The following CDNF variants were observed in gnomAD, a reference collection of about 807,000 sequenced individuals.
CDNF encodes cerebral dopamine neurotrophic factor, also known as ARMET-like protein 1.
Under a neutral mutation model 14.8 loss-of-function variants are expected in CDNF, and 9 were observed. The ratio of observed to expected loss-of-function variants is 0.61; its 90% CI spans 0.37 to 1.06. CDNF has a LOEUF of 1.06. Among genes scored for constraint, CDNF ranks in the 50% least tolerant of loss-of-function variants. The probability of loss-of-function intolerance (pLI) is 0.01; values close to 1 mark genes in which losing one functional copy is unlikely to be tolerated. For missense variants in CDNF, 228 were observed against 228.4 expected (o/e 1.00, Z 0.01); for synonymous variants, 86 against 87.2 (o/e 0.99, Z 0.07).
In CDNF at chr10:14,837,932, G is replaced by T; in HGVS notation, c.15C>A (p.Ser5Arg). The T allele has an allele frequency of 6.2e-7, 1 of 1,600,424 alleles. No homozygotes were observed. MWCA[S>R]PVAVVAFCAG... ...CGCAAAAGGCCACCACAGCAACTGGGCTCGCGCACCACATGCTGGGCCAGC... is the reference window on the plus strand; with the variant it reads ...CGCAAAAGGCCACCACAGCAACTGGTCTCGCGCACCACATGCTGGGCCAGC... Residue 5 changes from serine to arginine, a missense_variant, in exon 1 of 4, where the codon AGC becomes AGA. By Grantham distance (110) the Ser-to-Arg change is moderately radical (BLOSUM62 -1). Transcript: ENST00000465530.
chr10:14,828,231 C>T lies in CDNF; in HGVS notation c.157G>A (p.Asp53Asn), dbSNP rs1833815223. Residue 53 changes from aspartate (D) to asparagine (N), a missense_variant, in exon 2 of 4, where the codon GAC becomes AAC. By Grantham distance (23) the Asp-to-Asn change is conservative. Transcript: ENST00000465530. ...TCCAGCGAAAAGTTAACTCCTCTGT[C>T]TATCAGTGACTTGTAGAATCGGTTC... ...FLNRFYKSLI[D>N]RGVNFSLDTI... 6.2e-7 allele frequency: 1 copy of T among 1,613,310 alleles called. No individual in the cohort carries two copies. The highest frequency in any genetic ancestry group is 1.3e-5 in the African/African-American group (1 of 74,914).
At chr10:14,832,767 G>A (rs1434302713) in intron 1 of CDNF, among the ~76,000 whole-genome samples, 3 of 151,812 alleles carry the variant, frequency 2.0e-5, no homozygotes, top group Admixed American at 6.6e-5. Flanking sequence ...AACTGGAACC[G>A]TGGAGTTGCC....
chr10:14,826,734 A>G (rs1833799890), intron 2 of CDNF, among the ~76,000 whole-genome samples: 1 of 152,198 alleles, frequency 6.6e-6, no homozygotes, highest in Non-Finnish European at 1.5e-5. Flanking sequence ...TTTATGTCTC[A>G]CAACAATCCT....
At chr10:14,837,068 G>T (rs994732017) in intron 1 of CDNF, among the ~76,000 whole-genome samples, 1 of 152,164 alleles carries the variant, frequency 6.6e-6, no homozygotes, top group Non-Finnish European at 1.5e-5. Flanking sequence ...CCAGCTGAGG[G>T]CATATACATT....
intron 1 of CDNF, among the ~76,000 whole-genome samples, chr10:14,837,329 A>G (rs1588801495): frequency 6.6e-6 from 1 of 152,332 alleles, no homozygotes; most frequent in African/African-American, 2.4e-5. Flanking sequence ...TCTCTTTCCC[A>G]AGGAGTCAGT....
chr10:14,825,655 C>G lies in CDNF; in HGVS notation c.244-35G>C, dbSNP rs562974361. 33 of 1,603,054 alleles carry G rather than the reference C, an allele frequency of 2.1e-5. No individual in the cohort carries two copies. The African/African-American group carries it at 3.2e-4, about 16-fold the overall frequency. On this transcript the variant is annotated intron_variant, in intron 2 of 3. Transcript: ENST00000465530. ...AATGAAGAGAATTGAGTGTTCCAGA[C>G]AATGAAGACATTCAGTATCATTCCA...
intron 2 of CDNF, among the ~76,000 whole-genome samples, chr10:14,826,119 CAGCAGA>C (rs1427613556): frequency 2.5e-5 from 3 of 118,362 alleles, no homozygotes; most frequent in African/African-American, 3.8e-5. Flanking sequence ...GCAGCAGCAG[CAGCAGA>C]AGCAGGAGAA....
At position 14,820,021 on chromosome 10, in the gene CDNF, C is replaced by A. The variant is rs778511317; in HGVS notation, c.523G>T (p.Ala175Ser). ...GGGTGTGTCGCTGCATACTTGGGGG[C>A]CAGCTCTTGAATGAGATTCACATAG... ...TDYVNLIQEL[A>S]PKYAATHPKT... The change falls in exon 4 of 4, where the codon GCC becomes TCC. Residue 175 changes from alanine (A) to serine (S), a missense_variant. Transcript: ENST00000465530. The A allele has an allele frequency of 6.2e-7, 1 of 1,614,018 alleles. No homozygotes were observed. The highest frequency in any genetic ancestry group is 8.5e-7 in the Non-Finnish European group (1 of 1,180,010).
chr10:14,831,045 C>T (rs185713489), intron 1 of CDNF, among the ~76,000 whole-genome samples: 8 of 152,176 alleles, frequency 5.3e-5, no homozygotes, highest in African/African-American at 1.9e-4. Context: ...TTTGTTTTTC[C>T]TTTTATCAGT....
intron 1 of CDNF, chr10:14,834,421 C>A (rs983175842): frequency 5.9e-5 from 9 of 152,032 alleles, no homozygotes; most frequent in African/African-American, 2.2e-4. Flanking sequence ...ACAAAAGAAA[C>A]CCCCAGTATT....
At chr10:14,833,613 G>A (rs1370288317) in intron 1 of CDNF, among the ~76,000 whole-genome samples, 1 of 151,574 alleles carries the variant, frequency 6.6e-6, no homozygotes, top group Non-Finnish European at 1.5e-5. Context: ...ACATCCAACT[G>A]GAAACAGTGA....
At chr10:14,825,390 A>T (rs1238375981) in intron 3 of CDNF, 89 bp downstream of exon 3, 1 of 1,329,120 alleles carries the variant, frequency 7.5e-7, no homozygotes, top group African/African-American at 1.5e-5. Flanking sequence ...CTTTCCTTTT[A>T]ACACTGAATT....
At chr10:14,821,445 G>C (rs1181795663) in intron 3 of CDNF, among the ~76,000 whole-genome samples, 1 of 152,112 alleles carries the variant, frequency 6.6e-6, no homozygotes, top group Non-Finnish European at 1.5e-5. Context: ...ACAGCAATGC[G>C]GGAACAGACT....
At chr10:14,829,222 G>T (rs916267249) in intron 1 of CDNF, among the ~76,000 whole-genome samples, 1 of 152,206 alleles carries the variant, frequency 6.6e-6, no homozygotes, top group African/African-American at 2.4e-5. Context: ...TCTTGGGACA[G>T]CATAATTGTA....
chr10:14,826,027 A>G (rs1393819104), intron 2 of CDNF, among the ~76,000 whole-genome samples: 1 of 106,666 alleles, frequency 9.4e-6, no homozygotes, highest in Non-Finnish European at 1.7e-5. Context: ...AAGAAGAAGA[A>G]GGAGAAGAAG....
At chr10:14,834,079 A>C (rs1299534367) in intron 1 of CDNF, 1 of 152,168 alleles carries the variant, frequency 6.6e-6, no homozygotes, top group Non-Finnish European at 1.5e-5. Context: ...GGGAGTTCAC[A>C]CTTGTAATCC....
At chr10:14,824,630 A>C (rs1833764549) in intron 3 of CDNF, among the ~76,000 whole-genome samples, 1 of 148,552 alleles carries the variant, frequency 6.7e-6, no homozygotes, top group Non-Finnish European at 1.5e-5. Context: ...AAAAAAAAGG[A>C]CATCTCCTTC....
At chr10:14,825,191 T>C (rs1403100026) in intron 3 of CDNF, among the ~76,000 whole-genome samples, 1 of 152,010 alleles carries the variant, frequency 6.6e-6, no homozygotes, top group Non-Finnish European at 1.5e-5. Flanking sequence ...CTCCTGACCT[T>C]GCGATCCGCC....
At chr10:14,827,664 G>C (rs1009744577) in intron 2 of CDNF, among the ~76,000 whole-genome samples, 4 of 152,026 alleles carry the variant, frequency 2.6e-5, no homozygotes, top group African/African-American at 9.7e-5. Context: ...AGGCTGAGGT[G>C]GGTGGATCAC....
Sources: gnomAD v4.1 joint callset for allele counts (sites outside exome capture counted in the v4.1 genomes callset) on GRCh38, gnomAD v4.1.1 for gene constraint, MANE v1.5 for transcripts, NCBI Gene and HGNC (gene_info 2026-07-23, HGNC 2026-07-21) for gene names.